POU2F3: variants seen among roughly 807,000 people sequenced by gnomAD.
The protein encoded by POU2F3 is POU class 2 homeobox 3.
Under a neutral mutation model 59.2 loss-of-function variants are expected in POU2F3, and 23 were observed. The ratio of observed to expected loss-of-function variants is 0.39; its 90% confidence interval spans 0.28 to 0.55. POU2F3 has a LOEUF of 0.55. POU2F3 is among the 20% of genes least tolerant of loss of function. The probability of loss-of-function intolerance (pLI) is 0.66; values close to 1 mark genes in which losing one functional copy is unlikely to be tolerated. For synonymous variants in POU2F3, 190 were observed against 214.6 expected (o/e 0.89, Z 1.00); for missense variants, 473 against 544.5 (o/e 0.87, Z 1.31).
intron 2 of POU2F3, chr11:120,254,693 G>C (rs1591379497): frequency 6.6e-6 from 1 of 152,480 alleles, no homozygotes. Context: ...CCCAACAGGG[G>C]CTTCTGGGGT....
Position 120,249,389 on chromosome 11 carries a change from C to G in POU2F3, c.97+2872C>G, listed in dbSNP as rs538472926. On this transcript the variant is annotated intron_variant, in intron 2 of 12. Coordinates refer to ENST00000543440, the MANE Select transcript of POU2F3 (RefSeq NM_014352.4). ...TGAGACAGGTTCTCCCTCTGTCGCC[C>G]AGGCTGGAGTGCAGTGGTGCAGTCA... Among the ~76,000 whole-genome samples the G allele has an allele frequency of 3.9e-5, 6 of 152,266 alleles. No homozygotes were observed. The South Asian group carries it at 1.2e-3, about 32-fold the overall frequency.
rs771722240 is a variant in POU2F3, at chr11:120,299,653, G to C, written c.288G>C (p.Gln96His). 6.2e-7 allele frequency: 1 copy of C among 1,613,932 alleles called. No homozygotes were observed. Among genetic ancestry groups the C allele is most frequent in the East Asian group, 2.2e-5 (1 of 44,884 alleles). ...TGGCTTCCCTCCATCCGCTCCAGCAGCTTGTGCTGGTTCCCGGCCACTTAC... is the reference window on the plus strand; with the variant it reads ...TGGCTTCCCTCCATCCGCTCCAGCACCTTGTGCTGGTTCCCGGCCACTTAC... ...QDMASLHPLQ[Q>H]LVLVPGHLQS... The change falls in exon 5 of 13, where the codon CAG becomes CAC. Residue 96 changes from glutamine (Q) to histidine (H), a missense_variant. By Grantham distance (24) the Gln-to-His change is conservative. Coordinates refer to ENST00000543440, the MANE Select transcript of POU2F3 (RefSeq NM_014352.4).
At chr11:120,288,148 A>AAAAAAAAC (rs1555076871) in intron 3 of POU2F3, among the ~76,000 whole-genome samples, 27 of 146,470 alleles carry the variant, frequency 1.8e-4, no homozygotes, top group Non-Finnish European at 3.3e-4. Flanking sequence ...AAAAAAAAAA[A>AAAAAAAAC]CAAGAAAAAA....
At chr11:120,280,488 A>T (rs1940517730) in intron 3 of POU2F3, among the ~76,000 whole-genome samples, 1 of 152,160 alleles carries the variant, frequency 6.6e-6, no homozygotes. Flanking sequence ...TATTCTTCCC[A>T]TTATAAAGCT....
rs1257222850 is a variant in POU2F3 at position 120,318,721 on chromosome 11, T to G, written c.*329T>G. On this transcript the variant is annotated 3_prime_UTR_variant, in exon 13 of 13. Transcript: ENST00000543440. ...AATAGTCTTTCAGAGAAAAGACTTC[T>G]TGCTGTTATTCTCCAACTCATCCGT... 8 of 287,478 alleles carry G rather than the reference T, an allele frequency of 2.8e-5. No individual in the cohort carries two copies. Among genetic ancestry groups the G allele is most frequent in the Non-Finnish European group, 3.8e-5 (6 of 155,894 alleles). The allele number at this position is 287,478 out of a possible 1,614,324, so 17.8% of individuals were successfully genotyped here.
At chr11:120,249,175 C>T (rs995931175) in intron 2 of POU2F3, among the ~76,000 whole-genome samples, 3 of 152,114 alleles carry the variant, frequency 2.0e-5, no homozygotes, top group Admixed American at 6.5e-5. Flanking sequence ...GTGAGGAAGC[C>T]GAGGCATAGA....
chr11:120,265,460 G>C (rs190297623), intron 2 of POU2F3: 1 of 152,336 alleles, frequency 6.6e-6, no homozygotes, highest in Non-Finnish European at 1.5e-5. Context: ...AGGAAAATGA[G>C]AGATACCACA....
At chr11:120,317,925 A>T (rs1016358429) in intron 12 of POU2F3, among the ~76,000 whole-genome samples, 1 of 152,206 alleles carries the variant, frequency 6.6e-6, no homozygotes, top group African/African-American at 2.4e-5. Flanking sequence ...CCTGATTCAG[A>T]ACAACACAGA....
intron 3 of POU2F3, among the ~76,000 whole-genome samples, chr11:120,269,964 A>G (rs1939992406): frequency 6.6e-6 from 1 of 152,044 alleles, no homozygotes; most frequent in African/African-American, 2.4e-5. Context: ...TCAGAAGCAG[A>G]TGGCGGGAGT....
rs114731867 is a variant in POU2F3, at chr11:120,251,281, A to G, written c.97+4764A>G. On this transcript the variant is annotated intron_variant, in intron 2 of 12. Transcript: ENST00000543440. ...GAGCCACCATGCCCGGCTGACAACCATCTCTAGATGAAGCACATGTGTGAG... is the reference window on the plus strand; with the variant it reads ...GAGCCACCATGCCCGGCTGACAACCGTCTCTAGATGAAGCACATGTGTGAG... Among the ~76,000 whole-genome samples, 507 of 152,324 alleles carry G rather than the reference A, an allele frequency of 3.3e-3. 4 individuals are homozygous for G. Among genetic ancestry groups the G allele is most frequent in the African/African-American group, 0.012 (490 of 41,588 alleles).
At chr11:120,254,240 G>T (rs1228912059) in intron 2 of POU2F3, 1 of 152,384 alleles carries the variant, frequency 6.6e-6, no homozygotes, top group East Asian at 1.9e-4. Context: ...TTAGGGCCTT[G>T]AAGGGCAGCC....
chr11:120,318,273 AC>A, intron 12 of POU2F3, 79 bp from the exon 13 acceptor site: 2 of 1,371,204 alleles, frequency 1.5e-6, no homozygotes, highest in Non-Finnish European at 1.0e-6. Context: ...AAGCCCCTGT[AC>A]CTGCTAGCAG....
At chr11:120,238,925 G>T (rs941251444), upstream of POU2F3, among the ~76,000 whole-genome samples, 3 of 147,532 alleles carry the variant, frequency 2.0e-5, no homozygotes, top group Non-Finnish European at 4.5e-5. Flanking sequence ...ATAGTACAAT[G>T]TACAGGTTTT....
chr11:120,305,884 C>A, intron 8 of POU2F3, 99 bp downstream of exon 8: 1 of 1,422,904 alleles, frequency 7.0e-7, no homozygotes, highest in South Asian at 1.3e-5. Flanking sequence ...TGATACCTAA[C>A]ACCCCCTTCT....
intron 3 of POU2F3, among the ~76,000 whole-genome samples, chr11:120,290,821 T>C (rs1940993038): frequency 6.6e-6 from 1 of 152,240 alleles, no homozygotes; most frequent in African/African-American, 2.4e-5. Flanking sequence ...TGTGTGTGTA[T>C]GGGCACGCGC....
chr11:120,304,930 TG>T, intron 6 of POU2F3, 99 bp from the exon 7 acceptor site: 1 of 903,492 alleles, frequency 1.1e-6, no homozygotes, highest in Non-Finnish European at 1.5e-6. Flanking sequence ...ATCCTCTAAG[TG>T]GGCCTATTAG....
intron 3 of POU2F3, among the ~76,000 whole-genome samples, chr11:120,290,187 C>T (rs1431774254): frequency 5.3e-5 from 8 of 152,158 alleles, no homozygotes; most frequent in African/African-American, 1.9e-4. Flanking sequence ...ATGAAAATTA[C>T]CAGAGATAAC....
intron 3 of POU2F3, among the ~76,000 whole-genome samples, chr11:120,275,137 G>T (rs906119286): frequency 1.3e-5 from 2 of 152,210 alleles, no homozygotes; most frequent in African/African-American, 4.8e-5. Context: ...TCGAGGAATA[G>T]GGTGATAAAG....
chr11:120,238,163 C>G (rs1326085754), upstream of POU2F3, among the ~76,000 whole-genome samples: 1 of 152,128 alleles, frequency 6.6e-6, no homozygotes, highest in Non-Finnish European at 1.5e-5. Context: ...TCGCTTGAAC[C>G]TGGGAGGCGG....
Sources: allele counts gnomAD v4.1 joint callset (sites outside exome capture counted in the v4.1 genomes callset), GRCh38; gene constraint gnomAD v4.1.1; transcripts MANE v1.5; gene names NCBI Gene and HGNC (gene_info 2026-07-23, HGNC 2026-07-21).